The following CNNM1 variants were observed in gnomAD, a reference collection of about 807,000 sequenced individuals.
CNNM1 encodes the protein cyclin and CBS domain divalent metal cation transport mediator 1, also known as metal transporter CNNM1.
A neutral mutation model predicts 78.8 loss-of-function variants in CNNM1; 44 were observed. The observed-to-expected ratio is 0.56, with a 90% CI of 0.44 to 0.72. The LOEUF (loss-of-function observed/expected upper bound fraction) is 0.72, where lower values mean the gene tolerates loss of function less well. Ranked by LOEUF, CNNM1 falls within the 30% of genes least tolerant of loss-of-function variation. The pLI is 0.00. For synonymous variants in CNNM1, 584 were observed against 581.5 expected (o/e 1.00, Z -0.06); for missense variants, 1,101 against 1,292.2 (o/e 0.85, Z 2.27).
Position 99,363,829 on chromosome 10 carries a change from C to T in CNNM1, c.2029-588C>T, listed in dbSNP as rs148173831. Among the ~76,000 whole-genome samples, 63 of 149,554 alleles carry T rather than the reference C, an allele frequency of 4.2e-4. No individual in the cohort carries two copies. The East Asian group carries it at 8.9e-3, about 21-fold the overall frequency. Reference sequence around the variant, plus strand: ...GCCCGATCTCAGCTCACTGCAACCTCTGCCTCCCTGGTTCAAGTGATTCTC... The same window carrying T: ...GCCCGATCTCAGCTCACTGCAACCTTTGCCTCCCTGGTTCAAGTGATTCTC... On this transcript the variant is annotated intron_variant, in intron 4 of 10. Coordinates refer to ENST00000356713, the MANE Select transcript of CNNM1 (RefSeq NM_020348.3).
At chr10:99,389,646 C>A (rs1236947085) in intron 9 of CNNM1, among the ~76,000 whole-genome samples, 1 of 152,062 alleles carries the variant, frequency 6.6e-6, no homozygotes, top group Non-Finnish European at 1.5e-5. Flanking sequence ...ATCATCTAGT[C>A]CACCCTCGTC....
At chr10:99,360,171 T>C (rs1215065983) in intron 2 of CNNM1, among the ~76,000 whole-genome samples, 1 of 152,198 alleles carries the variant, frequency 6.6e-6, no homozygotes, top group African/African-American at 2.4e-5. Context: ...ATATTTCCCC[T>C]GATTCCCTCC....
intron 6 of CNNM1, among the ~76,000 whole-genome samples, chr10:99,365,878 A>G (rs1348326116): frequency 6.6e-6 from 1 of 152,224 alleles, no homozygotes; most frequent in Non-Finnish European, 1.5e-5. Flanking sequence ...TCCCTGGAAC[A>G]TGGCAAGGTA....
intron 1 of CNNM1, among the ~76,000 whole-genome samples, chr10:99,340,596 C>A (rs753987020): frequency 7.0e-4 from 107 of 152,176 alleles, no homozygotes; most frequent in Non-Finnish European, 1.1e-3. Flanking sequence ...TCCTTCTAGG[C>A]CCATGTTTGG....
At chr10:99,349,146 A>G (rs2030829808) in intron 1 of CNNM1, among the ~76,000 whole-genome samples, 1 of 152,222 alleles carries the variant, frequency 6.6e-6, no homozygotes, top group African/African-American at 2.4e-5. Context: ...ATTTAAATTA[A>G]TAGGCTTTGC....
intron 1 of CNNM1, among the ~76,000 whole-genome samples, chr10:99,333,336 T>G (rs192821265): frequency 6.6e-6 from 1 of 152,182 alleles, no homozygotes; most frequent in East Asian, 1.9e-4. Flanking sequence ...TTCATTCATT[T>G]GTTTAGGTTT....
chr10:99,378,250 C>T (rs965783672), intron 7 of CNNM1, among the ~76,000 whole-genome samples: 9 of 152,186 alleles, frequency 5.9e-5, no homozygotes, highest in Non-Finnish European at 1.3e-4. Context: ...GCGTGAGCCA[C>T]CGCGCCCAGC....
chr10:99,368,324 A>G (rs1319554588), intron 6 of CNNM1: 8 of 290,042 alleles, frequency 2.8e-5, no homozygotes, highest in Non-Finnish European at 4.8e-5. Context: ...TGCTGCCTAC[A>G]TGCTTCCCAC....
In CNNM1 at chr10:99,362,222, T is replaced by C. The variant is rs2031458391; in HGVS notation, c.1859-5T>C. On this transcript the variant is annotated splice_polypyrimidine_tract_variant and splice_region_variant and intron_variant, in intron 3 of 10. Transcript: ENST00000356713. ...ATTCCTCCCTTCCCACTCACTCTCCTCTAGAAGTGGAGCCCTTTAAGTCTC... is the reference window on the plus strand; with the variant it reads ...ATTCCTCCCTTCCCACTCACTCTCCCCTAGAAGTGGAGCCCTTTAAGTCTC... 1 of 1,606,708 alleles carries C rather than the reference T, an allele frequency of 6.2e-7. No homozygotes were observed. The highest frequency in any genetic ancestry group is 8.5e-7 in the Non-Finnish European group (1 of 1,176,822).
chr10:99,339,524 G>A (rs2030343317), intron 1 of CNNM1, among the ~76,000 whole-genome samples: 1 of 152,198 alleles, frequency 6.6e-6, no homozygotes, highest in African/African-American at 2.4e-5. Flanking sequence ...ATCAGCTGGG[G>A]CATTAGGAGC....
chr10:99,344,437 T>C (rs1307395299), intron 1 of CNNM1, among the ~76,000 whole-genome samples: 2 of 152,130 alleles, frequency 1.3e-5, no homozygotes, highest in Non-Finnish European at 2.9e-5. Context: ...GACTCCACCA[T>C]TTGCCTCTTA....
At chr10:99,334,166 T>C (rs751478336) in intron 1 of CNNM1, among the ~76,000 whole-genome samples, 19 of 152,210 alleles carry the variant, frequency 1.2e-4, no homozygotes, top group Non-Finnish European at 2.2e-4. Flanking sequence ...TTGAGAAGCA[T>C]TGCCTTCAGA....
intron 1 of CNNM1, among the ~76,000 whole-genome samples, chr10:99,348,183 C>A (rs2030791789): frequency 6.6e-6 from 1 of 151,502 alleles, no homozygotes; most frequent in African/African-American, 2.4e-5. Context: ...GCTGGGACTA[C>A]AGGCATGCAC....
chr10:99,344,907 C>T (rs568805785), intron 1 of CNNM1, among the ~76,000 whole-genome samples: 155 of 152,296 alleles, frequency 1.0e-3, no homozygotes, highest in African/African-American at 3.5e-3. Flanking sequence ...AGGGAGGTGC[C>T]GGGCATTAGC....
chr10:99,334,317 G>A (rs563768522), intron 1 of CNNM1, among the ~76,000 whole-genome samples: 45 of 152,340 alleles, frequency 3.0e-4, no homozygotes, highest in Non-Finnish European at 5.0e-4. Flanking sequence ...CCATAGGTTA[G>A]GAGGTGAAAG....
chr10:99,357,174 A>G (rs1481762649), intron 1 of CNNM1, among the ~76,000 whole-genome samples: 1 of 152,230 alleles, frequency 6.6e-6, no homozygotes, highest in Non-Finnish European at 1.5e-5. Flanking sequence ...GACTTTTACC[A>G]TAATTCTGAC....
chr10:99,380,469 A>G (rs2032106845), intron 7 of CNNM1, among the ~76,000 whole-genome samples: 1 of 152,196 alleles, frequency 6.6e-6, no homozygotes, highest in Non-Finnish European at 1.5e-5. Flanking sequence ...ATGATCACCT[A>G]GCATTAGGTT....
intron 1 of CNNM1, among the ~76,000 whole-genome samples, chr10:99,331,244 G>A (rs1454325210): frequency 6.6e-6 from 1 of 152,154 alleles, no homozygotes. Flanking sequence ...CCTACCAAAT[G>A]TCAGATACTG....
chr10:99,379,288 C>T (rs2032067488), intron 7 of CNNM1, among the ~76,000 whole-genome samples: 6 of 152,166 alleles, frequency 3.9e-5, no homozygotes, highest in African/African-American at 1.4e-4. Flanking sequence ...GGGAGAAAGA[C>T]AACAACCACA....
Sources: allele counts gnomAD v4.1 joint callset (sites outside exome capture counted in the v4.1 genomes callset), GRCh38; gene constraint gnomAD v4.1.1; transcripts MANE v1.5; gene names NCBI Gene and HGNC (gene_info 2026-07-23, HGNC 2026-07-21).